ABHD16A: variants seen among roughly 807,000 people sequenced by gnomAD.
ABHD16A encodes the protein abhydrolase domain containing 16A, phospholipase.
Under a neutral mutation model 89.8 loss-of-function variants are expected in ABHD16A, and 47 were observed. That is an observed-to-expected ratio of 0.52 (90% CI 0.41 to 0.67). ABHD16A has a LOEUF of 0.67. Ranked by LOEUF, ABHD16A falls within the 30% of genes least tolerant of loss-of-function variation. The probability of loss-of-function intolerance (pLI) is 0.00; values close to 1 mark genes in which losing one functional copy is unlikely to be tolerated. For missense variants in ABHD16A, 580 were observed against 734.6 expected (o/e 0.79, Z 2.43); for synonymous variants, 251 against 280.4 (o/e 0.90, Z 1.05).
intron 4 of ABHD16A, among the ~76,000 whole-genome samples, chr6:31,699,431 A>G (rs534619720): frequency 6.7e-6 from 1 of 148,852 alleles, no homozygotes; most frequent in East Asian, 2.0e-4. Flanking sequence ...AAAAAAAAAG[A>G]AAACCATGCC....
Position 31,699,190 on chromosome 6 carries a change from A to C in ABHD16A, c.343+1752T>G, listed in dbSNP as rs959285933. Reference sequence around the variant, plus strand: ...GGGAGGCCGAGGCGGGTGGATCACGAGGTCAGGAGATTGAGACCATCCTGG... The same window carrying C: ...GGGAGGCCGAGGCGGGTGGATCACGCGGTCAGGAGATTGAGACCATCCTGG... On this transcript the variant is annotated intron_variant, in intron 4 of 19. Coordinates refer to ENST00000395952, the MANE Select transcript of ABHD16A (RefSeq NM_021160.3). Among the ~76,000 whole-genome samples, 109 of 151,856 alleles carry C rather than the reference A, an allele frequency of 7.2e-4. 4 individuals are homozygous for C. Among genetic ancestry groups the C allele is most frequent in the Non-Finnish European group, 2.1e-4 (14 of 67,968 alleles).
rs769475244 is a variant in ABHD16A, at chr6:31,690,632, G to A, written c.844-30C>T. 1 of 1,611,124 alleles carries A rather than the reference G, an allele frequency of 6.2e-7. No individual in the cohort carries two copies. The highest frequency in any genetic ancestry group is 8.5e-7 in the Non-Finnish European group (1 of 1,178,484). On this transcript the variant is annotated intron_variant, in intron 9 of 19. Transcript: ENST00000395952. The surrounding 1 kb of genome is among the most constrained non-coding windows in gnomAD (Gnocchi z 4.1). ...GAAGGAGGCAGGAAGGAAGGGCTGG[G>A]GGGCCAAGTTGGGACTGAAAAACTC... is the stretch of plus-strand genomic sequence containing the variant.
chr6:31,695,117 G>A (rs1014458785), intron 5 of ABHD16A, among the ~76,000 whole-genome samples: 4 of 152,200 alleles, frequency 2.6e-5, no homozygotes, highest in African/African-American at 9.6e-5. Context: ...GGAGTAGCCA[G>A]GAATGTGATG....
chr6:31,694,752 T>A (rs1804239098), intron 5 of ABHD16A, among the ~76,000 whole-genome samples: 1 of 152,098 alleles, frequency 6.6e-6, no homozygotes, highest in Admixed American at 6.5e-5. Flanking sequence ...AGCACTCTAT[T>A]TTGAGGGTTT....
Position 31,688,582 on chromosome 6 carries a change from T to G in ABHD16A, c.1250+141A>C. ...GGGACCTGGGAGGGGTTAGGCCAGT[T>G]GAGGTGGTGGCAGGGTCACTCAGGA... On this transcript the variant is annotated intron_variant, in intron 14 of 19. Transcript: ENST00000395952. This position sits in a 1 kb window ranked among gnomAD's most constrained non-coding sequence, Gnocchi z 4.9. 9.6e-7 allele frequency: 1 copy of G among 1,037,286 alleles called. No individual in the cohort carries two copies. Among genetic ancestry groups the G allele is most frequent in the Non-Finnish European group, 1.4e-6 (1 of 706,306 alleles). The allele number at this position is 1,037,286 out of a possible 1,614,324, so 64.3% of individuals were successfully genotyped here.
chr6:31,697,357 C>T (rs1199711858), intron 4 of ABHD16A, among the ~76,000 whole-genome samples: 3 of 152,182 alleles, frequency 2.0e-5, no homozygotes, highest in Non-Finnish European at 2.9e-5. Context: ...CACTATTAAA[C>T]ACTATCATAT....
At position 31,689,067 on chromosome 6, in the gene ABHD16A, G is replaced by C. The variant is rs1261919673; in HGVS notation, c.1134C>G (p.Ala378=). 6.2e-7 allele frequency: 1 copy of C among 1,614,070 alleles called. No homozygotes were observed. Among genetic ancestry groups the C allele is most frequent in the Non-Finnish European group, 8.5e-7 (1 of 1,179,986 alleles). Residue 378 remains alanine, a synonymous_variant, in exon 13 of 20, where the codon GCC becomes GCG. Coordinates refer to ENST00000395952, the MANE Select transcript of ABHD16A (RefSeq NM_021160.3). ...YPDVSAMILD[A]SFDDLVPLAL... ...CCAAGGGCACCAGGTCATCAAAGGA[G>C]GCATCCAGGATCATGGCACTAACAT...
At chr6:31,701,931 T>G in intron 2 of ABHD16A, 143 bp downstream of exon 2, 1 of 807,320 alleles carries the variant, frequency 1.2e-6, no homozygotes, top group Middle Eastern at 3.1e-4. Flanking sequence ...TGTGCCTGTG[T>G]GTCTGTGTTG....
In ABHD16A at chr6:31,698,550, C is replaced by T. The variant is rs1484131845; in HGVS notation, c.344-1517G>A. Among the ~76,000 whole-genome samples the T allele has an allele frequency of 2.6e-5, 4 of 151,616 alleles. No homozygotes were observed. The highest frequency in any genetic ancestry group is 4.9e-5 in the African/African-American group (2 of 41,234). Reference sequence around the variant, plus strand: ...GCCCAGGCGGGAGTGCAATGATGTGCTCTCGGCTCACTGCAACCTCCGCCT... The same window carrying T: ...GCCCAGGCGGGAGTGCAATGATGTGTTCTCGGCTCACTGCAACCTCCGCCT... On this transcript the variant is annotated intron_variant, in intron 4 of 19. Transcript: ENST00000395952. The surrounding 1 kb of genome is among the most constrained non-coding windows in gnomAD (Gnocchi z 4.1).
At chr6:31,700,840 C>T in intron 4 of ABHD16A, 102 bp downstream of exon 4, 1 of 894,124 alleles carries the variant, frequency 1.1e-6, no homozygotes, top group Non-Finnish European at 1.8e-6. Flanking sequence ...TCAATGATTC[C>T]CTCTCGGAGG....
At chr6:31,691,943 C>A (rs775776409) in intron 7 of ABHD16A, 25 bp from the exon 8 acceptor site, 6 of 1,568,652 alleles carry the variant, frequency 3.8e-6, no homozygotes, top group South Asian at 1.2e-5. Flanking sequence ...GGTTAACAAA[C>A]CCCAACCCTG....
rs2151221425 is a variant in ABHD16A at position 31,688,202 on chromosome 6, C to T, written c.1307+47G>A. 6.2e-7 allele frequency: 1 copy of T among 1,609,482 alleles called. No individual in the cohort carries two copies. The highest frequency in any genetic ancestry group is 2.2e-5 in the East Asian group (1 of 44,860). Reference sequence around the variant, plus strand: ...GGGCAGAGGTAGAAGGGACAAGTTCCTGGCCATCTCTGGGGTTCCTGAGGG... The same window carrying T: ...GGGCAGAGGTAGAAGGGACAAGTTCTTGGCCATCTCTGGGGTTCCTGAGGG... On this transcript the variant is annotated intron_variant, in intron 15 of 19. Coordinates refer to ENST00000395952, the MANE Select transcript of ABHD16A (RefSeq NM_021160.3). The surrounding 1 kb of genome is among the most constrained non-coding windows in gnomAD (Gnocchi z 4.9).
chr6:31,693,562 T>C lies in ABHD16A; in HGVS notation c.430-130A>G. The C allele has an allele frequency of 1.3e-6, 1 of 795,762 alleles. No individual in the cohort carries two copies. The highest frequency in any genetic ancestry group is 2.1e-6 in the Non-Finnish European group (1 of 485,940). The allele number at this position is 795,762 out of a possible 1,614,324, so 49.3% of individuals were successfully genotyped here. ...CATGGGGAAACCAAGCGGAGGTCAATACCCTCCCAATTCTCAGATGGAAAA... is the reference window on the plus strand; with the variant it reads ...CATGGGGAAACCAAGCGGAGGTCAACACCCTCCCAATTCTCAGATGGAAAA... On this transcript the variant is annotated intron_variant, in intron 5 of 19. Coordinates refer to ENST00000395952, the MANE Select transcript of ABHD16A (RefSeq NM_021160.3). The surrounding 1 kb of genome is among the most constrained non-coding windows in gnomAD (Gnocchi z 5.0).
Position 31,698,733 on chromosome 6 carries a change from ACAGGGTGGT to A in ABHD16A, c.344-1709_344-1701del. Among the ~76,000 whole-genome samples, 1 of 152,242 alleles carries A rather than the reference ACAGGGTGGT, an allele frequency of 6.6e-6. No homozygotes were observed. On this transcript the variant is annotated intron_variant, in intron 4 of 19. Transcript: ENST00000395952. The surrounding 1 kb of genome is among the most constrained non-coding windows in gnomAD (Gnocchi z 4.1). ...ACTGAGCAGTGGGAGCTACTTTTAGACAGGGTGGTCAGGGAAGGCCTCTCTGAGGAGAGA... is the reference window on the plus strand; with the variant it reads ...ACTGAGCAGTGGGAGCTACTTTTAGACAGGGAAGGCCTCTCTGAGGAGAGA...
intron 1 of ABHD16A, chr6:31,702,594 A>C: frequency 6.9e-7 from 1 of 1,441,948 alleles, no homozygotes; most frequent in South Asian, 1.5e-5. Context: ...AAGGAAGAGA[A>C]TATTTAGAAC....
In ABHD16A at chr6:31,691,871, G is replaced by T; in HGVS notation, c.674C>A (p.Ser225Tyr). Residue 225 changes from serine to tyrosine, a missense_variant, in exon 8 of 20, where the codon TCT becomes TAT. By Grantham distance (144) the Ser-to-Tyr change is moderately radical. Coordinates refer to ENST00000395952, the MANE Select transcript of ABHD16A (RefSeq NM_021160.3). ...GAGGGCCTTCTGCAGCAGGTACACA[G>T]AGCCTGGATACAGCATCCGGCGCCC... ...TLGRRMLYPGSVYLLQKALMP... is the reference protein window; with the variant it reads ...TLGRRMLYPGYVYLLQKALMP... 6.2e-7 allele frequency: 1 copy of T among 1,611,574 alleles called. No homozygotes were observed. Among genetic ancestry groups the T allele is most frequent in the African/African-American group, 1.3e-5 (1 of 75,010 alleles).
chr6:31,690,637 C>G lies in ABHD16A; in HGVS notation c.844-35G>C. The G allele has an allele frequency of 6.2e-7, 1 of 1,605,014 alleles. No individual in the cohort carries two copies. Among genetic ancestry groups the G allele is most frequent in the Non-Finnish European group, 8.5e-7 (1 of 1,173,064 alleles). ...AGGCAGGAAGGAAGGGCTGGGGGGC[C>G]AAGTTGGGACTGAAAAACTCCCTTT... On this transcript the variant is annotated intron_variant, in intron 9 of 19. Transcript: ENST00000395952. This position sits in a 1 kb window ranked among gnomAD's most constrained non-coding sequence, Gnocchi z 4.1.
rs752111014 is a variant in ABHD16A at position 31,701,040 on chromosome 6, G to A, written c.257-12C>T. ...CAAACTCAAGTAACCTGGGAAGGGA[G>A]AGGGACAATGTGAGACCCTCTCCGC... On this transcript the variant is annotated splice_polypyrimidine_tract_variant and intron_variant, in intron 3 of 19. Coordinates refer to ENST00000395952, the MANE Select transcript of ABHD16A (RefSeq NM_021160.3). 1.9e-6 allele frequency: 3 copies of A among 1,604,780 alleles called. No individual in the cohort carries two copies. Among genetic ancestry groups the A allele is most frequent in the Non-Finnish European group, 2.6e-6 (3 of 1,171,788 alleles).
intron 4 of ABHD16A, among the ~76,000 whole-genome samples, chr6:31,699,940 G>T (rs954176112): frequency 6.6e-6 from 1 of 151,962 alleles, no homozygotes; most frequent in Non-Finnish European, 1.5e-5. Flanking sequence ...TAGAGACGGG[G>T]TTTCACCATG....
Sources: allele counts gnomAD v4.1 joint callset (sites outside exome capture counted in the v4.1 genomes callset), GRCh38; gene constraint gnomAD v4.1.1; non-coding constraint Gnocchi (gnomAD v3.1); transcripts MANE v1.5; gene names NCBI Gene and HGNC (gene_info 2026-07-23, HGNC 2026-07-21).